The following SNX16 variants were observed in gnomAD, a reference collection of about 807,000 sequenced individuals.
The protein encoded by SNX16 is sorting nexin 16.
A neutral mutation model predicts 36.7 loss-of-function variants in SNX16; 35 were observed. The ratio of observed to expected loss-of-function variants is 0.95; its 90% CI spans 0.73 to 1.27. The LOEUF is 1.27. Among genes scored for constraint, SNX16 ranks in the 50% most tolerant of loss-of-function variants. The pLI is 0.00. For missense variants in SNX16, 367 were observed against 393.6 expected, an observed-to-expected ratio of 0.93 and a Z score of 0.57; for synonymous variants, 134 against 132.0, an observed-to-expected ratio of 1.02 and a Z score of -0.10.
chr8:81,803,972 A>ATG (rs1378427704), intron 5 of SNX16, among the ~76,000 whole-genome samples: 2 of 151,796 alleles, frequency 1.3e-5, no homozygotes, highest in Non-Finnish European at 2.9e-5. Flanking sequence ...AAATATATAT[A>ATG]TATAAATACA....
chr8:81,801,603 A>AAAG lies in SNX16; in HGVS notation c.939-11_939-10insCTT, dbSNP rs1309927943. The AAAG allele has an allele frequency of 2.0e-6, 3 of 1,517,098 alleles. No individual in the cohort carries two copies. Among genetic ancestry groups the AAAG allele is most frequent in the Non-Finnish European group, 2.7e-6 (3 of 1,120,860 alleles). The allele number at this position is 1,517,098 out of a possible 1,614,324, so 94.0% of individuals were successfully genotyped here. ...TGGTTTATTATCAGCTCTGCAAAAA[A>AAAG]AAAAAAAAAAGGAACATATCAATGA... On this transcript the variant is annotated splice_polypyrimidine_tract_variant and intron_variant, in intron 7 of 7. Coordinates refer to ENST00000345957, the MANE Select transcript of SNX16 (RefSeq NM_152836.3).
intron 3 of SNX16, among the ~76,000 whole-genome samples, chr8:81,828,940 T>C (rs1811126650): frequency 6.6e-6 from 1 of 152,170 alleles, no homozygotes; most frequent in African/African-American, 2.4e-5. Flanking sequence ...CTGAATAAGC[T>C]TGGAAGGTAA....
chr8:81,823,309 A>G (rs1032902813), intron 4 of SNX16, among the ~76,000 whole-genome samples: 2 of 151,972 alleles, frequency 1.3e-5, no homozygotes, highest in African/African-American at 4.8e-5. Context: ...AAACCCACAT[A>G]GATCTGTTCT....
chr8:81,826,590 A>AC (rs1811031886), intron 3 of SNX16, among the ~76,000 whole-genome samples: 3 of 152,292 alleles, frequency 2.0e-5, no homozygotes, highest in Admixed American at 2.0e-4. Flanking sequence ...CCCAACTCTG[A>AC]TAAGCCCTGT....
intron 2 of SNX16, among the ~76,000 whole-genome samples, chr8:81,834,292 C>T (rs1811397786): frequency 6.6e-6 from 1 of 152,156 alleles, no homozygotes; most frequent in Non-Finnish European, 1.5e-5. Flanking sequence ...GTTCAATTAC[C>T]TCCCACTGGG....
At position 81,801,570 on chromosome 8, in the gene SNX16, C is replaced by G. The variant is rs763650620; in HGVS notation, c.962G>C (p.Ser321Thr). ...TACAGCATTTTCAGGTTCACTAAAA[C>G]TTAAGCATGGTTTATTATCAGCTCT... is the stretch of plus-strand genomic sequence containing the variant. ...ESRADNKPCL[S>T]FSEPENAVSE... Residue 321 changes from serine (S) to threonine (T), a missense_variant, in exon 8 of 8, where the codon AGT becomes ACT. Ser to Thr is a moderately conservative substitution (Grantham distance 58, BLOSUM62 1). Transcript: ENST00000345957. The G allele has an allele frequency of 6.7e-7, 1 of 1,492,510 alleles. No individual in the cohort carries two copies. Among genetic ancestry groups the G allele is most frequent in the East Asian group, 2.4e-5 (1 of 41,514 alleles). 92.5% of individuals were successfully genotyped at this position (1,492,510 alleles called of 1,614,324 possible). A position where few individuals can be genotyped will look rare whatever the true frequency, so the allele number is the denominator to read the frequency against.
At chr8:81,829,125 T>C (rs991758016) in intron 3 of SNX16, among the ~76,000 whole-genome samples, 1 of 152,198 alleles carries the variant, frequency 6.6e-6, no homozygotes. Context: ...AGGAAACTAA[T>C]ACAATATGTT....
intron 5 of SNX16, chr8:81,807,852 T>C (rs1250087956): frequency 5.2e-6 from 4 of 764,108 alleles, no homozygotes; most frequent in South Asian, 1.3e-5. Flanking sequence ...AAACAATTGA[T>C]GAGAGCCTGA....
chr8:81,802,436 T>C lies in SNX16; in HGVS notation c.882A>G (p.Leu294=). The stretch of plus-strand genomic sequence containing the variant: ...CCTCAAGTGCAGAGGACTCCACCTT[T>C]AGGATCTGTTCACCTTCTGTTTCTG... The part of the protein sequence containing the change: ...DVSETEGEQI[L]KVESSALEVD... Residue 294 remains leucine, a synonymous_variant, in exon 7 of 8, where the codon CTA becomes CTG. Transcript: ENST00000345957. The C allele has an allele frequency of 1.2e-6, 2 of 1,610,636 alleles. No homozygotes were observed. The highest frequency in any genetic ancestry group is 1.7e-6 in the Non-Finnish European group (2 of 1,177,656).
intron 4 of SNX16, among the ~76,000 whole-genome samples, chr8:81,816,745 G>A (rs1309575986): frequency 6.6e-6 from 1 of 152,170 alleles, no homozygotes; most frequent in African/African-American, 2.4e-5. Context: ...ATTTCAGAGA[G>A]GTGAAATTAC....
intron 3 of SNX16, among the ~76,000 whole-genome samples, chr8:81,825,809 A>T (rs1159693772): frequency 1.3e-5 from 2 of 152,192 alleles, no homozygotes; most frequent in Non-Finnish European, 1.5e-5. Flanking sequence ...TAAAATAAAT[A>T]AGGCAAAAAC....
intron 5 of SNX16, among the ~76,000 whole-genome samples, chr8:81,809,272 G>A (rs1810115341): frequency 6.6e-6 from 1 of 152,050 alleles, no homozygotes; most frequent in African/African-American, 2.4e-5. Flanking sequence ...ACCATTAAAA[G>A]GGATTACCCA....
At chr8:81,808,228 T>C in intron 5 of SNX16, 4 of 1,290,164 alleles carry the variant, frequency 3.1e-6, no homozygotes, top group Middle Eastern at 5.2e-4. Context: ...CTTTGTAACC[T>C]TTCACGACCA....
intron 2 of SNX16, among the ~76,000 whole-genome samples, chr8:81,832,886 A>T (rs1288056553): frequency 1.3e-5 from 2 of 150,658 alleles, no homozygotes; most frequent in African/African-American, 2.4e-5. Flanking sequence ...AACTCTCTTT[A>T]AAAAAGTAAC....
chr8:81,820,341 AACT>A (rs1200113157), intron 4 of SNX16, among the ~76,000 whole-genome samples: 1 of 152,080 alleles, frequency 6.6e-6, no homozygotes, highest in East Asian at 1.9e-4. Context: ...CTTATGCTCC[AACT>A]ACTATTTGAA....
rs556398375 is a variant in SNX16 at position 81,808,256 on chromosome 8, C to T, written c.682-5028G>A. Reference sequence around the variant, plus strand: ...CACGACCATGACTCCATGGATAAGACGGTCATTCAGAAACACTATACCATG... The same window carrying T: ...CACGACCATGACTCCATGGATAAGATGGTCATTCAGAAACACTATACCATG... On this transcript the variant is annotated intron_variant, in intron 5 of 7. Transcript: ENST00000345957. 158 of 1,187,596 alleles carry T rather than the reference C, an allele frequency of 1.3e-4. 1 individual carries two copies. The South Asian group carries it at 1.5e-3, about 11-fold the overall frequency. 73.6% of individuals were successfully genotyped at this position (1,187,596 alleles called of 1,614,324 possible).
intron 5 of SNX16, among the ~76,000 whole-genome samples, chr8:81,807,501 A>G (rs10283196): frequency 0.02 from 2,286 of 117,022 alleles, 69 homozygotes; most frequent in African/African-American, 0.071. Flanking sequence ...CCTGGGTGAC[A>G]GTTTGAGACT....
At chr8:81,806,801 A>G (rs921072225) in intron 5 of SNX16, among the ~76,000 whole-genome samples, 6 of 152,198 alleles carry the variant, frequency 3.9e-5, no homozygotes, top group Non-Finnish European at 7.3e-5. Flanking sequence ...TAACAAGAGA[A>G]TGTGACATAC....
chr8:81,839,889 A>T lies in SNX16; in HGVS notation c.98T>A (p.Val33Asp). The T allele has an allele frequency of 6.2e-7, 1 of 1,614,010 alleles. No individual in the cohort carries two copies. The highest frequency in any genetic ancestry group is 8.5e-7 in the Non-Finnish European group (1 of 1,179,926). Reference protein sequence around the residue: ...RNQRSSSFGSVSTSSNSSKGQ... With the variant: ...RNQRSSSFGSDSTSSNSSKGQ... ...CTTAGAAGAATTTGAGCTTGTTGAGACACTGCCAAAAGAAGAACTTCTTTG... is the reference window on the plus strand; with the variant it reads ...CTTAGAAGAATTTGAGCTTGTTGAGTCACTGCCAAAAGAAGAACTTCTTTG... The change falls in exon 2 of 8, where the codon GTC becomes GAC. Residue 33 changes from valine to aspartate, a missense_variant. Physicochemically the swap from Val to Asp is radical, Grantham distance 152. Coordinates refer to ENST00000345957, the MANE Select transcript of SNX16 (RefSeq NM_152836.3).
Sources: allele counts gnomAD v4.1 joint callset (sites outside exome capture counted in the v4.1 genomes callset), GRCh38; gene constraint gnomAD v4.1.1; transcripts MANE v1.5; gene names NCBI Gene and HGNC (gene_info 2026-07-23, HGNC 2026-07-21).